UCN3: variants seen among roughly 807,000 people sequenced by gnomAD.
UCN3 encodes urocortin 3.
Under a neutral mutation model 3.6 loss-of-function variants are expected in UCN3, and 3 were observed. That is an observed-to-expected ratio of 0.83 (90% confidence interval 0.38 to 2.15). The LOEUF (loss-of-function observed/expected upper bound fraction) is 2.15, where lower values mean the gene tolerates loss of function less well. Ranked by LOEUF, UCN3 falls within the 30% of genes most tolerant of loss-of-function variation. The probability of loss-of-function intolerance (pLI) is 0.06; values close to 1 mark genes in which losing one functional copy is unlikely to be tolerated. For synonymous variants in UCN3, 100 were observed against 93.2 expected (o/e 1.07, Z -0.42); for missense variants, 206 against 208.3 (o/e 0.99, Z 0.07).
intron 1 of UCN3, among the ~76,000 whole-genome samples, chr10:5,371,791 T>A (rs1223824078): frequency 2.0e-5 from 3 of 152,246 alleles, no homozygotes; most frequent in Non-Finnish European, 4.4e-5. Flanking sequence ...ACTTACCCAA[T>A]TGTTCTTATT....
In UCN3 at chr10:5,370,344, T is replaced by C. The variant is rs797041135; in HGVS notation, c.-6-3371T>C. On this transcript the variant is annotated intron_variant, in intron 1 of 1. Coordinates refer to ENST00000380433, the MANE Select transcript of UCN3 (RefSeq NM_053049.4). Reference sequence around the variant, plus strand: ...GTGTGTATATGCGTGTGTATATGCGTGTGTATATGTGTGTGTATATGCGTG... The same window carrying C: ...GTGTGTATATGCGTGTGTATATGCGCGTGTATATGTGTGTGTATATGCGTG... 8.1e-4 allele frequency among the ~76,000 whole-genome samples: 44 copies of C among 54,494 alleles called. 1 individual carries two copies. Among genetic ancestry groups the C allele is most frequent in the Non-Finnish European group, 1.1e-3 (33 of 29,136 alleles). 35.8% of individuals were successfully genotyped at this position (54,494 alleles called of 152,430 possible).
chr10:5,373,943 G>A lies in UCN3; in HGVS notation c.223G>A (p.Gly75Ser). 2 of 1,611,720 alleles carry A rather than the reference G, an allele frequency of 1.2e-6. No individual in the cohort carries two copies. The highest frequency in any genetic ancestry group is 1.1e-5 in the South Asian group (1 of 90,714). Residue 75 changes from glycine to serine, a missense_variant, in exon 2 of 2, where the codon GGC becomes AGC. Physicochemically the swap from Gly to Ser is moderately conservative, Grantham distance 56 (BLOSUM62 0). Transcript: ENST00000380433. ...RDASSGEEEE[G>S]KEKKTFPISG... ...CGCCTCTTCGGGAGAGGAGGAGGAG[G>A]GCAAAGAGAAAAAGACTTTCCCCAT...
chr10:5,367,898 A>C lies in UCN3; in HGVS notation c.-7+2668A>C, dbSNP rs1834131210. ...TGCAGGGTTTGAGTGAGGAAGCAAAATAAACAAATGGGGTGGTGGGGCAGT... is the reference window on the plus strand; with the variant it reads ...TGCAGGGTTTGAGTGAGGAAGCAAACTAAACAAATGGGGTGGTGGGGCAGT... On this transcript the variant is annotated intron_variant, in intron 1 of 1. Coordinates refer to ENST00000380433, the MANE Select transcript of UCN3 (RefSeq NM_053049.4). This position sits in a 1 kb window ranked among gnomAD's most constrained non-coding sequence, Gnocchi z 4.3. 2.0e-5 allele frequency among the ~76,000 whole-genome samples: 3 copies of C among 152,136 alleles called. No individual in the cohort carries two copies. The highest frequency in any genetic ancestry group is 4.4e-5 in the Non-Finnish European group (3 of 68,012).
chr10:5,373,652 C>A, intron 1 of UCN3, 63 bp from the exon 2 acceptor site: 1 of 1,553,184 alleles, frequency 6.4e-7, no homozygotes, highest in Non-Finnish European at 8.7e-7. Flanking sequence ...GATTTTAATC[C>A]AGGTCCTCCA....
At chr10:5,370,830 T>TGTGTGTGCGC (rs1831401581) in intron 1 of UCN3, among the ~76,000 whole-genome samples, 3 of 101,320 alleles carry the variant, frequency 3.0e-5, no homozygotes, top group African/African-American at 8.3e-5. Context: ...TGTGCGCGCG[T>TGTGTGTGCGC]GTGTGTGCGC....
intron 1 of UCN3, among the ~76,000 whole-genome samples, chr10:5,369,951 ATG>A (rs1338352433): frequency 0.013 from 866 of 66,936 alleles, 171 homozygotes; most frequent in African/African-American, 0.06. Flanking sequence ...GTGTGTGTAT[ATG>A]TGTGTGTATA....
rs1347305860 is a variant in UCN3, at chr10:5,370,693, GTA to G, written c.-6-3018_-6-3017del. ...TGTGTGTATGTGTGTGTGTATGTGT[GTA>G]TATGTGTGTGTATATGATGTGTGTG... is the stretch of plus-strand genomic sequence containing the variant. On this transcript the variant is annotated intron_variant, in intron 1 of 1. Coordinates refer to ENST00000380433, the MANE Select transcript of UCN3 (RefSeq NM_053049.4). 1.7e-4 allele frequency among the ~76,000 whole-genome samples: 18 copies of G among 106,082 alleles called. 3 individuals are homozygous for G. The highest frequency in any genetic ancestry group is 3.9e-4 in the East Asian group (1 of 2,568). The allele number at this position is 106,082 out of a possible 152,430, so 69.6% of individuals were successfully genotyped here. A position where few individuals can be genotyped will look rare whatever the true frequency, so the allele number is the denominator to read the frequency against.
At chr10:5,369,877 G>GTGTGTGTGTA (rs1831317400) in intron 1 of UCN3, among the ~76,000 whole-genome samples, 4 of 144,672 alleles carry the variant, frequency 2.8e-5, no homozygotes, top group African/African-American at 5.3e-5. Context: ...GTGTGTATAT[G>GTGTGTGTGTA]TGTGTGTATA....
intron 1 of UCN3, among the ~76,000 whole-genome samples, chr10:5,371,339 CACATGT>C (rs1831425504): frequency 6.7e-6 from 1 of 148,266 alleles, no homozygotes; most frequent in Non-Finnish European, 1.5e-5. Context: ...TGTGTATATG[CACATGT>C]GTGCATGTAT....
Position 5,374,007 on chromosome 10 carries a change from G to A in UCN3, c.287G>A (p.Arg96Lys). The change falls in exon 2 of 2, where the codon AGA (arginine) becomes AAA (lysine). Residue 96 changes from arginine to lysine, a missense_variant. Transcript: ENST00000380433. ...ARGGARGTRY[R>K]YVSQAQPRGK... ...GGTGGAGCCAGAGGCACCCGGTACA[G>A]ATACGTGTCCCAAGCACAGCCCAGG... 6.2e-7 allele frequency: 1 copy of A among 1,611,342 alleles called. No homozygotes were observed. Among genetic ancestry groups the A allele is most frequent in the South Asian group, 1.1e-5 (1 of 90,604 alleles).
chr10:5,370,211 A>ATG (rs143748616), intron 1 of UCN3, among the ~76,000 whole-genome samples: 13,101 of 16,834 alleles, frequency 0.78, 5,653 homozygotes, highest in East Asian at 0.92. Flanking sequence ...ATGCGTGTGT[A>ATG]TGTGTGTGTA....
chr10:5,367,338 GA>G lies in UCN3; in HGVS notation c.-7+2109del, dbSNP rs781993278. Among the ~76,000 whole-genome samples, 26 of 152,258 alleles carry G rather than the reference GA, an allele frequency of 1.7e-4. No individual in the cohort carries two copies. Among genetic ancestry groups the G allele is most frequent in the Admixed American group, 1.2e-3 (18 of 15,296 alleles). On this transcript the variant is annotated intron_variant, in intron 1 of 1. Coordinates refer to ENST00000380433, the MANE Select transcript of UCN3 (RefSeq NM_053049.4). This position sits in a 1 kb window ranked among gnomAD's most constrained non-coding sequence, Gnocchi z 4.3. ...AACCAAAAAAGTATGCCATATAAAA[GA>G]TTTTTTCCTCTGTGATACGTAACAA...
rs1295087834 is a variant in UCN3, at chr10:5,370,214, TGTGTGTATGTGC to T, written c.-6-3494_-6-3483del. Among the ~76,000 whole-genome samples, 8 of 78,160 alleles carry T rather than the reference TGTGTGTATGTGC, an allele frequency of 1.0e-4. 1 individual carries two copies. The highest frequency in any genetic ancestry group is 2.0e-4 in the African/African-American group (3 of 15,080). 51.3% of individuals were successfully genotyped at this position (78,160 alleles called of 152,430 possible). A position where few individuals can be genotyped will look rare whatever the true frequency, so the allele number is the denominator to read the frequency against. On this transcript the variant is annotated intron_variant, in intron 1 of 1. Transcript: ENST00000380433. ...ATGCGTGTGTATATGCGTGTGTATG[TGTGTGTATGTGC>T]GTGTGTGTATGCGTGTGTGTATGCG...
At chr10:5,370,852 C>T (rs201136225) in intron 1 of UCN3, among the ~76,000 whole-genome samples, 34,269 of 70,806 alleles carry the variant, frequency 0.48, 8,758 homozygotes, top group East Asian at 0.7. Context: ...TGTGTGTGCG[C>T]GTGTGTGTGC....
At chr10:5,369,978 CGT>C (rs1831326325) in intron 1 of UCN3, among the ~76,000 whole-genome samples, 3 of 14,358 alleles carry the variant, frequency 2.1e-4, no homozygotes, top group Non-Finnish European at 4.0e-4. Flanking sequence ...TGTGTATATG[CGT>C]GTGTATATGT....
intron 1 of UCN3, among the ~76,000 whole-genome samples, chr10:5,370,330 CGT>C (rs1463053302): frequency 1.4e-4 from 2 of 13,902 alleles, no homozygotes; most frequent in Non-Finnish European, 1.2e-4. Flanking sequence ...TGTGTATATG[CGT>C]GTGTATATGC....
At chr10:5,368,948 C>T (rs558457410) in intron 1 of UCN3, among the ~76,000 whole-genome samples, 130 of 152,262 alleles carry the variant, frequency 8.5e-4, no homozygotes, top group Middle Eastern at 3.4e-3. Context: ...GGCCCTCAGA[C>T]CTCAGCATCA....
In UCN3 at chr10:5,370,045, GCGTGTGTATGTGTGTGTATA is replaced by G. The variant is rs1554811083; in HGVS notation, c.-6-3669_-6-3650del. Among the ~76,000 whole-genome samples the G allele has an allele frequency of 5.1e-4, 51 of 100,754 alleles. 5 individuals carry two copies. The highest frequency in any genetic ancestry group is 8.1e-4 in the Non-Finnish European group (39 of 48,052). 66.1% of individuals were successfully genotyped at this position (100,754 alleles called of 152,430 possible). ...TGTGTGTGTATATGCGTGTGTATAT[GCGTGTGTATGTGTGTGTATA>G]TGTGTGTATATGCGTGTGTATATGC... On this transcript the variant is annotated intron_variant, in intron 1 of 1. Transcript: ENST00000380433.
In UCN3 at chr10:5,373,949, G is replaced by A. The variant is rs12768730; in HGVS notation, c.229G>A (p.Glu77Lys). ...TTCGGGAGAGGAGGAGGAGGGCAAA[G>A]AGAAAAAGACTTTCCCCATCTCTGG... is the stretch of plus-strand genomic sequence containing the variant. ...ASSGEEEEGK[E>K]KKTFPISGAR... The change falls in exon 2 of 2, where the codon GAG (glutamate) becomes AAG (lysine). Residue 77 changes from glutamate to lysine, a missense_variant. Transcript: ENST00000380433. 6 of 1,611,774 alleles carry A rather than the reference G, an allele frequency of 3.7e-6. No individual in the cohort carries two copies. Among genetic ancestry groups the A allele is most frequent in the African/African-American group, 1.3e-5 (1 of 74,938 alleles).
Sources: allele counts gnomAD v4.1 joint callset (sites outside exome capture counted in the v4.1 genomes callset), GRCh38; gene constraint gnomAD v4.1.1; non-coding constraint Gnocchi (gnomAD v3.1); transcripts MANE v1.5; gene names NCBI Gene and HGNC (gene_info 2026-07-23, HGNC 2026-07-21).